The following WWOX variants were observed in gnomAD, a reference collection of about 807,000 sequenced individuals.
WWOX encodes the protein WW domain-containing oxidoreductase.
A neutral mutation model predicts 46.2 loss-of-function variants in WWOX; 69 were observed. The ratio of observed to expected loss-of-function variants is 1.49; its 90% CI spans 1.23 to 1.82. The LOEUF (loss-of-function observed/expected upper bound fraction) is 1.82. WWOX is among the 40% of genes most tolerant of loss of function. The pLI is 0.00. For synonymous variants in WWOX, 359 were observed against 202.6 expected, an observed-to-expected ratio of 1.77 and a Z score of -6.56; for missense variants, 919 against 542.6, an observed-to-expected ratio of 1.69 and a Z score of -6.89.
intron 8 of WWOX, among the ~76,000 whole-genome samples, chr16:78,583,914 C>T (rs1341120132): frequency 1.3e-5 from 2 of 152,204 alleles, no homozygotes; most frequent in Non-Finnish European, 2.9e-5. Context: ...TAGGCATCCT[C>T]ACAAAACTGC....
At chr16:79,059,988 T>C (rs2048330306) in intron 8 of WWOX, among the ~76,000 whole-genome samples, 2 of 152,232 alleles carry the variant, frequency 1.3e-5, no homozygotes, top group South Asian at 2.1e-4. Context: ...AATTCCTTAT[T>C]GAATAGATTC....
At chr16:78,793,636 A>G (rs12448575) in intron 8 of WWOX, among the ~76,000 whole-genome samples, 4 of 152,146 alleles carry the variant, frequency 2.6e-5, no homozygotes, top group Admixed American at 2.6e-4. Context: ...TACATAGCAC[A>G]CAGCAAAAAA....
intron 8 of WWOX, among the ~76,000 whole-genome samples, chr16:79,112,234 C>G (rs935469559): frequency 2.6e-5 from 4 of 152,126 alleles, no homozygotes; most frequent in Non-Finnish European, 5.9e-5. Flanking sequence ...TTTGTGTCTA[C>G]TGACCCAACA....
chr16:78,100,183 A>T, intron 1 of WWOX: 1 of 1,231,318 alleles, frequency 8.1e-7, no homozygotes, highest in Non-Finnish European at 1.0e-6. Context: ...AAAAATAAAG[A>T]TGTTTTAAAA....
At chr16:78,376,817 G>T (rs1210994811) in intron 5 of WWOX, among the ~76,000 whole-genome samples, 1 of 152,198 alleles carries the variant, frequency 6.6e-6, no homozygotes, top group South Asian at 2.1e-4. Flanking sequence ...GGCTATCAGG[G>T]TATAGTTCTC....
Position 78,432,633 on chromosome 16 carries a change from C to G in WWOX, c.937C>G (p.Pro313Ala), listed in dbSNP as rs370345936. ...FSNELHRRLS[P>A]RGVTSNAVHP... ...CAACGAGCTGCACCGTCGCCTCTCC[C>G]CACGCGGGGTCACGTCGAACGCAGT... Residue 313 changes from proline to alanine, a missense_variant, in exon 8 of 9, where the codon CCA becomes GCA. Physicochemically the swap from Pro to Ala is conservative, Grantham distance 27. Coordinates refer to ENST00000566780, the MANE Select transcript of WWOX (RefSeq NM_016373.4). 1.3e-5 allele frequency: 21 copies of G among 1,614,120 alleles called. No homozygotes were observed. Among genetic ancestry groups the G allele is most frequent in the South Asian group, 2.2e-5 (2 of 91,082 alleles).
intron 8 of WWOX, among the ~76,000 whole-genome samples, chr16:79,031,886 CTGTA>C (rs1567501154): frequency 3.6e-5 from 2 of 55,186 alleles, no homozygotes; most frequent in Non-Finnish European, 9.0e-5. Context: ...ATACAGATAT[CTGTA>C]TACAGATATC....
In WWOX at chr16:78,990,612, A is replaced by T. The variant is rs76924845; in HGVS notation, c.1057-220996A>T. Among the ~76,000 whole-genome samples, 146 of 152,298 alleles carry T rather than the reference A, an allele frequency of 9.6e-4. 3 individuals carry two copies. The highest frequency in any genetic ancestry group is 3.5e-3 in the African/African-American group (144 of 41,570). ...CACCACCCAAGTTGTAAGATGGTAGAGCGAACAGGCCAGAATGTGATAAAG... is the reference window on the plus strand; with the variant it reads ...CACCACCCAAGTTGTAAGATGGTAGTGCGAACAGGCCAGAATGTGATAAAG... On this transcript the variant is annotated intron_variant, in intron 8 of 8. Transcript: ENST00000566780.
intron 8 of WWOX, among the ~76,000 whole-genome samples, chr16:78,957,206 C>T (rs1463334566): frequency 1.3e-5 from 2 of 152,166 alleles, no homozygotes; most frequent in African/African-American, 4.8e-5. Flanking sequence ...GCAGGGCACA[C>T]GACTTTTCCA....
chr16:78,242,827 G>A (rs1252181411), intron 5 of WWOX, among the ~76,000 whole-genome samples: 1 of 152,154 alleles, frequency 6.6e-6, no homozygotes, highest in Non-Finnish European at 1.5e-5. Context: ...GGCCAACATG[G>A]TGAAACCCTA....
At chr16:79,039,332 T>C (rs888689806) in intron 8 of WWOX, among the ~76,000 whole-genome samples, 3 of 152,012 alleles carry the variant, frequency 2.0e-5, no homozygotes, top group Admixed American at 6.6e-5. Context: ...CCAAGTCACC[T>C]CATCTGTAAG....
chr16:78,662,124 G>T (rs1328726268), intron 8 of WWOX, among the ~76,000 whole-genome samples: 1 of 152,156 alleles, frequency 6.6e-6, no homozygotes, highest in East Asian at 1.9e-4. Flanking sequence ...TGACTTTGGG[G>T]TTTGCAGTAA....
chr16:78,187,983 A>G (rs2035762206), intron 5 of WWOX, among the ~76,000 whole-genome samples: 2 of 152,196 alleles, frequency 1.3e-5, no homozygotes, highest in Non-Finnish European at 2.9e-5. Context: ...CAAGAATTTA[A>G]TTACTATAAC....
intron 8 of WWOX, among the ~76,000 whole-genome samples, chr16:79,142,508 C>G (rs1312968317): frequency 6.6e-6 from 1 of 152,170 alleles, no homozygotes; most frequent in Non-Finnish European, 1.5e-5. Context: ...TAAACATTTT[C>G]TAGAACATAC....
intron 4 of WWOX, among the ~76,000 whole-genome samples, chr16:78,156,179 G>C (rs1377809845): frequency 1.3e-5 from 2 of 152,212 alleles, no homozygotes; most frequent in Non-Finnish European, 2.9e-5. Context: ...CTCTAAAGGA[G>C]AGAGGGTGGA....
intron 8 of WWOX, among the ~76,000 whole-genome samples, chr16:78,925,996 G>C (rs2045488589): frequency 6.6e-6 from 1 of 152,192 alleles, no homozygotes; most frequent in Non-Finnish European, 1.5e-5. Context: ...AGGGATGTGG[G>C]GAGAGCTAAG....
intron 5 of WWOX, among the ~76,000 whole-genome samples, chr16:78,300,998 A>G (rs1311810531): frequency 6.9e-6 from 1 of 144,898 alleles, no homozygotes; most frequent in Non-Finnish European, 1.5e-5. Context: ...CTACCCACCC[A>G]TCCATCCATC....
intron 8 of WWOX, among the ~76,000 whole-genome samples, chr16:78,968,156 G>A (rs964535700): frequency 2.5e-4 from 37 of 150,910 alleles, no homozygotes; most frequent in East Asian, 5.9e-4. Flanking sequence ...CGCGTGGTCC[G>A]CGTGGCACAG....
At chr16:78,515,953 C>A (rs1161675187) in intron 8 of WWOX, among the ~76,000 whole-genome samples, 1 of 152,166 alleles carries the variant, frequency 6.6e-6, no homozygotes, top group Non-Finnish European at 1.5e-5. Flanking sequence ...CTCAGTCAAT[C>A]AGTCAATCAA....
Sources: allele counts gnomAD v4.1 joint callset (sites outside exome capture counted in the v4.1 genomes callset), GRCh38; gene constraint gnomAD v4.1.1; transcripts MANE v1.5; gene names NCBI Gene and HGNC (gene_info 2026-07-23, HGNC 2026-07-21).